The following PRR5L variants were observed in gnomAD, a reference collection of about 807,000 sequenced individuals.
PRR5L encodes proline rich 5 like.
A neutral mutation model predicts 36.4 loss-of-function variants in PRR5L; 21 were observed. The ratio of observed to expected loss-of-function variants is 0.58; its 90% CI spans 0.41 to 0.83. PRR5L has a LOEUF of 0.83. PRR5L is among the 40% of genes least tolerant of loss of function. The pLI, the probability that PRR5L is intolerant of heterozygous loss-of-function variation, is 0.00. For missense variants in PRR5L, 381 were observed against 473.3 expected (o/e 0.80, Z 1.81); for synonymous variants, 188 against 197.0 (o/e 0.95, Z 0.38).
intron 4 of PRR5L, among the ~76,000 whole-genome samples, chr11:36,427,632 G>A (rs753641579): frequency 2.0e-5 from 3 of 152,122 alleles, no homozygotes; most frequent in Admixed American, 1.3e-4. Flanking sequence ...GCTGGGTTTC[G>A]CCCCGCCTTC....
intron 8 of PRR5L, among the ~76,000 whole-genome samples, chr11:36,458,754 C>T (rs1189179486): frequency 1.3e-5 from 2 of 152,214 alleles, no homozygotes; most frequent in Middle Eastern, 3.2e-3. Context: ...AGCCACGTGT[C>T]CCCATGGGCC....
intron 1 of PRR5L, among the ~76,000 whole-genome samples, chr11:36,345,689 C>A (rs1209552612): frequency 6.6e-6 from 1 of 152,186 alleles, no homozygotes; most frequent in South Asian, 2.1e-4. Context: ...CTTGCCCTGG[C>A]AGTGGCAGAA....
chr11:36,465,119 T>G lies in PRR5L; in HGVS notation c.*2383T>G, dbSNP rs549685095. 1 of 152,314 alleles carries G rather than the reference T, an allele frequency of 6.6e-6. No individual in the cohort carries two copies. Among genetic ancestry groups the G allele is most frequent in the South Asian group, 2.1e-4 (1 of 4,820 alleles). The allele number at this position is 152,314 out of a possible 1,614,324, so 9.4% of individuals were successfully genotyped here. A position where few individuals can be genotyped will look rare whatever the true frequency, so the allele number is the denominator to read the frequency against. ...GTTGACATTTGATGACAGGAAGCAA[T>G]CATGACTCTTCAAGTGAGCTCACAG... On this transcript the variant is annotated 3_prime_UTR_variant, in exon 9 of 9. Transcript: ENST00000530639.
intron 1 of PRR5L, among the ~76,000 whole-genome samples, chr11:36,336,711 T>C (rs1350015374): frequency 6.6e-6 from 1 of 152,116 alleles, no homozygotes; most frequent in Admixed American, 6.6e-5. Context: ...TTTTCTAAGA[T>C]GTGTTATAAA....
intron 4 of PRR5L, among the ~76,000 whole-genome samples, chr11:36,423,376 C>T (rs908391805): frequency 6.6e-6 from 1 of 152,106 alleles, no homozygotes; most frequent in East Asian, 1.9e-4. Context: ...AGGAGTGTAG[C>T]GTTAACTGAA....
chr11:36,366,895 T>G (rs756286390), intron 1 of PRR5L, among the ~76,000 whole-genome samples: 12 of 152,172 alleles, frequency 7.9e-5, no homozygotes, highest in Admixed American at 7.9e-4. Context: ...CTTTCTCCCC[T>G]TCTTTGCCCT....
At chr11:36,441,134 C>G (rs554381403) in intron 6 of PRR5L, among the ~76,000 whole-genome samples, 1 of 152,156 alleles carries the variant, frequency 6.6e-6, no homozygotes, top group African/African-American at 2.4e-5. Flanking sequence ...CTTCTCACAT[C>G]GCAAAATACA....
chr11:36,406,280 G>A (rs751148746), intron 3 of PRR5L, among the ~76,000 whole-genome samples: 24 of 152,010 alleles, frequency 1.6e-4, no homozygotes, highest in Non-Finnish European at 2.8e-4. Context: ...AGACTAGTGG[G>A]AAATACATAT....
intron 1 of PRR5L, among the ~76,000 whole-genome samples, chr11:36,317,718 A>G (rs992480379): frequency 1.3e-5 from 2 of 152,174 alleles, no homozygotes; most frequent in African/African-American, 4.8e-5. Flanking sequence ...GTGTGATGTG[A>G]GTTCCAGTTG....
chr11:36,320,641 C>T (rs1046256541), intron 1 of PRR5L, among the ~76,000 whole-genome samples: 6 of 152,102 alleles, frequency 3.9e-5, no homozygotes, highest in Admixed American at 2.0e-4. Flanking sequence ...AGGTGGTGTA[C>T]GGATTAGAGC....
chr11:36,367,256 T>G (rs1020165638), intron 1 of PRR5L, among the ~76,000 whole-genome samples: 1 of 152,224 alleles, frequency 6.6e-6, no homozygotes, highest in African/African-American at 2.4e-5. Flanking sequence ...AATACTAGGC[T>G]TTGCCATAAA....
At chr11:36,339,383 C>A (rs1406732113) in intron 1 of PRR5L, among the ~76,000 whole-genome samples, 1 of 152,232 alleles carries the variant, frequency 6.6e-6, no homozygotes, top group African/African-American at 2.4e-5. Context: ...AGTGAGCCAC[C>A]ATGCCTGGCC....
At chr11:36,343,464 C>G (rs932420570) in intron 1 of PRR5L, among the ~76,000 whole-genome samples, 12 of 152,152 alleles carry the variant, frequency 7.9e-5, no homozygotes, top group Non-Finnish European at 1.3e-4. Flanking sequence ...GTTTCACTTA[C>G]CTTGGGGACC....
intron 7 of PRR5L, among the ~76,000 whole-genome samples, chr11:36,450,402 A>C (rs1367856046): frequency 6.6e-6 from 1 of 152,128 alleles, no homozygotes; most frequent in African/African-American, 2.4e-5. Flanking sequence ...CCTCAACATG[A>C]CAGCATGTTT....
chr11:36,314,914 G>A (rs10836534), intron 1 of PRR5L, among the ~76,000 whole-genome samples: 56,373 of 152,094 alleles, frequency 0.37, 10,843 homozygotes, highest in East Asian at 0.73. Flanking sequence ...AAGGACTGTG[G>A]AGGTTGCTAG....
At chr11:36,329,741 C>A (rs1225413665) in intron 1 of PRR5L, among the ~76,000 whole-genome samples, 1 of 152,152 alleles carries the variant, frequency 6.6e-6, no homozygotes, top group African/African-American at 2.4e-5. Context: ...GGCAAAAAGT[C>A]AAGCCAAGAG....
chr11:36,448,720 A>C (rs1030874010), intron 7 of PRR5L, among the ~76,000 whole-genome samples: 1 of 152,172 alleles, frequency 6.6e-6, no homozygotes, highest in African/African-American at 2.4e-5. Flanking sequence ...GGCAGAGGGA[A>C]GTACAGTCAA....
intron 1 of PRR5L, among the ~76,000 whole-genome samples, chr11:36,353,145 T>C (rs1311492507): frequency 6.6e-6 from 1 of 152,146 alleles, no homozygotes; most frequent in Admixed American, 6.5e-5. Flanking sequence ...ATCTCTGTCT[T>C]GCACGTCATA....
chr11:36,398,680 C>A (rs11604537), intron 1 of PRR5L: 2,590 of 152,342 alleles, frequency 0.017, 46 homozygotes, highest in Middle Eastern at 0.057. Flanking sequence ...TTAAGAGAGG[C>A]TGAGTGCGTG....
Sources: allele counts gnomAD v4.1 joint callset (sites outside exome capture counted in the v4.1 genomes callset), GRCh38; gene constraint gnomAD v4.1.1; transcripts MANE v1.5; gene names NCBI Gene and HGNC (gene_info 2026-07-23, HGNC 2026-07-21).